SUOX: variants seen among roughly 807,000 people sequenced by gnomAD.
SUOX encodes the protein sulfite oxidase.
SUOX carries 39 observed loss-of-function variants against 41.9 expected under a neutral mutation model. The observed-to-expected ratio is 0.93, with a 90% CI of 0.72 to 1.21. SUOX has a LOEUF of 1.21. Among genes scored for constraint, SUOX ranks in the 50% most tolerant of loss-of-function variants. The probability of loss-of-function intolerance (pLI) is 0.00; values close to 1 mark genes in which losing one functional copy is unlikely to be tolerated. For missense variants in SUOX, 633 were observed against 689.5 expected, an observed-to-expected ratio of 0.92 and a Z score of 0.92; for synonymous variants, 220 against 268.4, an observed-to-expected ratio of 0.82 and a Z score of 1.76.
In SUOX at chr12:56,005,058, C is replaced by T; in HGVS notation, c.*31C>T. On this transcript the variant is annotated 3_prime_UTR_variant, in exon 5 of 5. Transcript: ENST00000266971. ...GAAAGGAGCCACCTCCACCCCTTTC[C>T]CCACCCATTAGCCTCACTGCTTCAG... is the stretch of plus-strand genomic sequence containing the variant. The T allele has an allele frequency of 6.2e-7, 1 of 1,602,072 alleles. No homozygotes were observed. Among genetic ancestry groups the T allele is most frequent in the Non-Finnish European group, 8.5e-7 (1 of 1,177,974 alleles).
At position 56,004,128 on chromosome 12, in the gene SUOX, C is replaced by A. The variant is rs765859233; in HGVS notation, c.739C>A (p.Leu247Met). 2.3e-5 allele frequency: 37 copies of A among 1,614,104 alleles called. No individual in the cohort carries two copies. The highest frequency in any genetic ancestry group is 3.3e-4 in the Middle Eastern group (2 of 6,084). ...APGGQSLSLS[L>M]DDLHNFPRYE... ...TGGGGGTCAGTCACTGTCTCTTTCCCTGGATGACTTGCACAACTTTCCCAG... is the reference window on the plus strand; with the variant it reads ...TGGGGGTCAGTCACTGTCTCTTTCCATGGATGACTTGCACAACTTTCCCAG... The change falls in exon 5 of 5, where the codon CTG becomes ATG. Residue 247 changes from leucine to methionine, a missense_variant. Coordinates refer to ENST00000266971, the MANE Select transcript of SUOX (RefSeq NM_001032386.2). The surrounding 1 kb of genome is among the most constrained non-coding windows in gnomAD (Gnocchi z 4.5).
chr12:56,004,170 A>G lies in SUOX; in HGVS notation c.781A>G (p.Thr261Ala). ...CTTTCCCAGGTACGAGATCACAGTC[A>G]CTCTGCAGTGTGCCGGCAACCGACG... is the stretch of plus-strand genomic sequence containing the variant. ...HNFPRYEITVTLQCAGNRRSE... is the reference protein window; with the variant it reads ...HNFPRYEITVALQCAGNRRSE... Residue 261 changes from threonine (T) to alanine (A), a missense_variant, in exon 5 of 5, where the codon ACT (threonine) becomes GCT (alanine). Coordinates refer to ENST00000266971, the MANE Select transcript of SUOX (RefSeq NM_001032386.2). This position sits in a 1 kb window ranked among gnomAD's most constrained non-coding sequence, Gnocchi z 4.5. The G allele has an allele frequency of 1.2e-6, 2 of 1,614,096 alleles. No individual in the cohort carries two copies. The highest frequency in any genetic ancestry group is 1.7e-6 in the Non-Finnish European group (2 of 1,180,020).
chr12:56,002,677 T>A lies in SUOX; in HGVS notation c.185T>A (p.Leu62Ter). The change falls in exon 4 of 5, where the codon TTA becomes TAA. Residue 62 changes from leucine to a stop codon, truncating the protein, a stop_gained. Transcript: ENST00000266971. LOFTEE classifies it high-confidence loss of function. ...TQGWRVMGTL[L>*]GLGAVLAYQD... ...GGATGGAGAGTCATGGGGACCCTAT[T>A]AGGTCTCGGTGCAGTGTTGGCCTAT... is the stretch of plus-strand genomic sequence containing the variant. The A allele has an allele frequency of 1.2e-6, 2 of 1,614,030 alleles. No individual in the cohort carries two copies. The highest frequency in any genetic ancestry group is 1.7e-6 in the Non-Finnish European group (2 of 1,179,996).
At chr12:55,998,284 T>G (rs1023785416) in intron 2 of SUOX, among the ~76,000 whole-genome samples, 5 of 151,704 alleles carry the variant, frequency 3.3e-5, no homozygotes, top group African/African-American at 1.2e-4. Context: ...GGCTCATGCC[T>G]GTAATAATCC....
chr12:56,000,773 TTC>T (rs1406482778), intron 2 of SUOX, among the ~76,000 whole-genome samples: 3 of 152,128 alleles, frequency 2.0e-5, no homozygotes, highest in African/African-American at 7.2e-5. Flanking sequence ...TATAATTTTT[TTC>T]TTTTTCTTTG....
intron 2 of SUOX, among the ~76,000 whole-genome samples, chr12:55,998,876 G>A (rs1179480663): frequency 6.6e-6 from 1 of 150,478 alleles, no homozygotes; most frequent in Non-Finnish European, 1.5e-5. Flanking sequence ...ATAATTCATT[G>A]CAGTCTCGAC....
chr12:56,005,131 C>A lies in SUOX; in HGVS notation c.*104C>A. 7.4e-7 allele frequency: 1 copy of A among 1,357,188 alleles called. No individual in the cohort carries two copies. The highest frequency in any genetic ancestry group is 1.2e-5 in the South Asian group (1 of 85,414). 84.1% of individuals were successfully genotyped at this position (1,357,188 alleles called of 1,614,324 possible). ...CTTCTTGGATCACAACTCTGGCCTT[C>A]CTAAGCCATACCCAAGTACACATAT... is the stretch of plus-strand genomic sequence containing the variant. On this transcript the variant is annotated 3_prime_UTR_variant, in exon 5 of 5. Coordinates refer to ENST00000266971, the MANE Select transcript of SUOX (RefSeq NM_001032386.2).
rs368646412 is a variant in SUOX, at chr12:56,001,050, G to A, written c.-10-1162G>A. 7.3e-5 allele frequency among the ~76,000 whole-genome samples: 11 copies of A among 151,430 alleles called. No homozygotes were observed. The East Asian group carries it at 1.2e-3, about 16-fold the overall frequency. On this transcript the variant is annotated intron_variant, in intron 2 of 4. Coordinates refer to ENST00000266971, the MANE Select transcript of SUOX (RefSeq NM_001032386.2). ...TCTGCCCGTCTCAGCCTCCCAAAGT[G>A]CTGGGATTACAGGCGTAAGCCACTG...
chr12:55,999,653 G>C (rs1013760396), intron 2 of SUOX: 1 of 152,268 alleles, frequency 6.6e-6, no homozygotes, highest in African/African-American at 2.4e-5. Flanking sequence ...AAGATTCATT[G>C]TAAAGAGGGA....
At chr12:56,001,385 A>C (rs1159601487) in intron 2 of SUOX, 3 of 151,580 alleles carry the variant, frequency 2.0e-5, no homozygotes, top group Non-Finnish European at 4.4e-5. Context: ...CAGCCTCCCA[A>C]AGTGCTGGGA....
intron 2 of SUOX, 182 bp from the exon 3 acceptor site, chr12:56,002,028 GTC>G (rs1179038374): frequency 8.1e-5 from 120 of 1,476,062 alleles, no homozygotes; most frequent in Non-Finnish European, 9.8e-5. Flanking sequence ...AGCACAGTCT[GTC>G]TCTGAAGTGC....
At position 56,004,857 on chromosome 12, in the gene SUOX, C is replaced by T; in HGVS notation, c.1468C>T (p.Leu490=). 6.2e-7 allele frequency: 1 copy of T among 1,614,210 alleles called. No individual in the cohort carries two copies. Among genetic ancestry groups the T allele is most frequent in the Non-Finnish European group, 8.5e-7 (1 of 1,180,042 alleles). Residue 490 remains leucine (L), a synonymous_variant, in exon 5 of 5, where the codon CTG becomes TTG. Transcript: ENST00000266971. The surrounding 1 kb of genome is among the most constrained non-coding windows in gnomAD (Gnocchi z 4.5). ...CCCCAGGAAGGCCTGGGCATGGCGT[C>T]TGTGGCAGTTGAAAGCCCCTGTGCC... The part of the protein sequence containing the change: ...QRPRKAWAWR[L]WQLKAPVPAG...
chr12:56,001,865 CATTTG>C, intron 2 of SUOX: 1 of 1,111,260 alleles, frequency 9.0e-7, no homozygotes, highest in Non-Finnish European at 1.1e-6. Flanking sequence ...GGCCAGTAGA[CATTTG>C]GTTTCGGTCC....
At chr12:55,998,523 G>T (rs1436169489) in intron 2 of SUOX, among the ~76,000 whole-genome samples, 1 of 152,004 alleles carries the variant, frequency 6.6e-6, no homozygotes, top group South Asian at 2.1e-4. Context: ...CTCCAGCCTG[G>T]GCAGAGCAAG....
At position 56,003,702 on chromosome 12, in the gene SUOX, G is replaced by C. The variant is rs777050937; in HGVS notation, c.313G>C (p.Gly105Arg). Residue 105 changes from glycine to arginine, a missense_variant, in exon 5 of 5, where the codon GGC becomes CGC. By Grantham distance (125) the Gly-to-Arg change is moderately radical. Coordinates refer to ENST00000266971, the MANE Select transcript of SUOX (RefSeq NM_001032386.2). ...TGAGACTGGGATCTGGGTGACTCTGGGCTCTGAGGTCTTTGATGTCACAGA... is the reference window on the plus strand; with the variant it reads ...TGAGACTGGGATCTGGGTGACTCTGCGCTCTGAGGTCTTTGATGTCACAGA... ...SPETGIWVTL[G>R]SEVFDVTEFV... The C allele has an allele frequency of 6.2e-7, 1 of 1,612,770 alleles. No homozygotes were observed. Among genetic ancestry groups the C allele is most frequent in the East Asian group, 2.2e-5 (1 of 44,866 alleles).
Position 56,002,574 on chromosome 12 carries a change from C to G in SUOX, c.82C>G (p.Gln28Glu), listed in dbSNP as rs772182562. 2 of 1,614,176 alleles carry G rather than the reference C, an allele frequency of 1.2e-6. No homozygotes were observed. The highest frequency in any genetic ancestry group is 2.7e-5 in the African/African-American group (2 of 75,036). The stretch of plus-strand genomic sequence containing the variant: ...GTCAATCCCCTCAAGGATCTGCATT[C>G]AGGCCTGCTCCACAAATGATTCATT... ...LKSIPSRICI[Q>E]ACSTNDSFQP... The change falls in exon 4 of 5, where the codon CAG becomes GAG. Residue 28 changes from glutamine to glutamate, a missense_variant. Physicochemically the swap from Gln to Glu is conservative, Grantham distance 29. Transcript: ENST00000266971.
At chr12:56,002,092 C>T in intron 2 of SUOX, 120 bp from the exon 3 acceptor site, 2 of 1,506,270 alleles carry the variant, frequency 1.3e-6, no homozygotes, top group Non-Finnish European at 1.8e-6. Flanking sequence ...AGACTCCTCA[C>T]TTGCCCAGAA....
chr12:56,001,384 A>G (rs1469324499), intron 2 of SUOX: 3 of 151,710 alleles, frequency 2.0e-5, no homozygotes, highest in South Asian at 2.1e-4. Flanking sequence ...TCAGCCTCCC[A>G]AAGTGCTGGG....
At position 56,003,751 on chromosome 12, in the gene SUOX, G is replaced by A. The variant is rs769171182; in HGVS notation, c.362G>A (p.Gly121Glu). 1.2e-6 allele frequency: 2 copies of A among 1,613,336 alleles called. No homozygotes were observed. Among genetic ancestry groups the A allele is most frequent in the East Asian group, 2.2e-5 (1 of 44,874 alleles). The change falls in exon 5 of 5, where the codon GGG becomes GAG. Residue 121 changes from glycine (G) to glutamate (E), a missense_variant. Coordinates refer to ENST00000266971, the MANE Select transcript of SUOX (RefSeq NM_001032386.2). ...GAATTTGTGGACCTACATCCAGGGG[G>A]GCCTTCAAAGCTGATGCTAGCAGCT... ...VTEFVDLHPG[G>E]PSKLMLAAGG...
Sources: gnomAD v4.1 joint callset for allele counts (sites outside exome capture counted in the v4.1 genomes callset) on GRCh38, gnomAD v4.1.1 for gene constraint, Gnocchi (gnomAD v3.1) non-coding constraint, MANE v1.5 for transcripts, NCBI Gene and HGNC (gene_info 2026-07-23, HGNC 2026-07-21) for gene names.